Variants in DCDC1 observed in about 807,000 individuals in gnomAD.
DCDC1 encodes the protein doublecortin domain containing 1.
In DCDC1, 200 loss-of-function variants were observed where a neutral mutation model predicts 178.3. The observed-to-expected ratio is 1.12, with a 90% confidence interval of 1.00 to 1.26. DCDC1 has a LOEUF of 1.26. DCDC1 is among the 50% of genes most tolerant of loss of function. The probability of loss-of-function intolerance (pLI) is 0.00; values close to 1 mark genes in which losing one functional copy is unlikely to be tolerated. For synonymous variants in DCDC1, 690 were observed against 604.8 expected (o/e 1.14, Z -2.07); for missense variants, 1,983 against 1,749.2 (o/e 1.13, Z -2.38).
intron 8 of DCDC1, chr11:31,263,175 T>A: frequency 8.6e-7 from 1 of 1,156,182 alleles, no homozygotes; most frequent in Non-Finnish European, 1.2e-6. Context: ...ATAGTTTCAA[T>A]TCTAGCAGTT....
chr11:30,895,022 C>G (rs1043843936), intron 34 of DCDC1, among the ~76,000 whole-genome samples: 1 of 152,022 alleles, frequency 6.6e-6, no homozygotes, highest in Admixed American at 6.6e-5. Flanking sequence ...GTGTTCTTAC[C>G]ACTAGACCAC....
intron 20 of DCDC1, among the ~76,000 whole-genome samples, chr11:31,055,689 A>T (rs1018777184): frequency 6.6e-6 from 1 of 152,232 alleles, no homozygotes; most frequent in African/African-American, 2.4e-5. Flanking sequence ...GGAATGAATT[A>T]ACAGCATTTG....
intron 20 of DCDC1, among the ~76,000 whole-genome samples, chr11:31,006,061 A>G (rs1327796503): frequency 6.6e-6 from 1 of 151,560 alleles, no homozygotes; most frequent in African/African-American, 2.4e-5. Flanking sequence ...TCAACCCTAC[A>G]TCTACAATCA....
chr11:31,173,782 T>C (rs1247022969), intron 9 of DCDC1, among the ~76,000 whole-genome samples: 1 of 151,292 alleles, frequency 6.6e-6, no homozygotes, highest in African/African-American at 2.4e-5. Context: ...CCCCACATCT[T>C]TTTAGACATC....
chr11:31,151,362 T>C (rs1052422071), intron 9 of DCDC1, among the ~76,000 whole-genome samples: 4 of 152,240 alleles, frequency 2.6e-5, no homozygotes, highest in Non-Finnish European at 4.4e-5. Flanking sequence ...AATTCTATTA[T>C]GATCTTTTAT....
Position 30,916,966 on chromosome 11 carries a change from C to G in DCDC1, c.3356G>C (p.Trp1119Ser), listed in dbSNP as rs776942428. The G allele has an allele frequency of 3.7e-6, 6 of 1,611,064 alleles. No homozygotes were observed. The highest frequency in any genetic ancestry group is 5.1e-6 in the Non-Finnish European group (6 of 1,178,688). ...ATCAAAGTCATGTGAAGTTTCCTGC[C>G]AGGCATACCTGGGAAGTGTGTGACA... ...KACHTLPRYA[W>S]QETSHDFDED... The change falls in exon 26 of 39, where the codon TGG becomes TCG. Residue 1119 changes from tryptophan to serine, a missense_variant. Trp to Ser is a radical substitution (Grantham distance 177). Transcript: ENST00000684477.
intron 20 of DCDC1, among the ~76,000 whole-genome samples, chr11:31,037,560 T>C (rs1034329884): frequency 1.3e-5 from 2 of 151,772 alleles, no homozygotes; most frequent in Non-Finnish European, 2.9e-5. Context: ...GCCTCCCCAG[T>C]AGCTGGGACT....
At chr11:30,981,851 G>A (rs1196186368) in intron 20 of DCDC1, among the ~76,000 whole-genome samples, 1 of 151,972 alleles carries the variant, frequency 6.6e-6, no homozygotes, top group Non-Finnish European at 1.5e-5. Flanking sequence ...GATACCACAC[G>A]CTGGGAACAC....
intron 20 of DCDC1, among the ~76,000 whole-genome samples, chr11:31,019,748 GC>G (rs1192200235): frequency 3.9e-5 from 6 of 152,074 alleles, no homozygotes; most frequent in Admixed American, 1.3e-4. Context: ...TCCATGCTCA[GC>G]AGTATTGCTC....
At chr11:30,930,283 C>A (rs1946845787) in intron 22 of DCDC1, among the ~76,000 whole-genome samples, 1 of 152,086 alleles carries the variant, frequency 6.6e-6, no homozygotes, top group South Asian at 2.1e-4. Context: ...AGCTGGACAA[C>A]CAGCCACCCT....
At chr11:30,944,175 T>G (rs1383370668) in intron 21 of DCDC1, 1 of 363,192 alleles carries the variant, frequency 2.8e-6, no homozygotes, top group Non-Finnish European at 5.4e-6. Flanking sequence ...CACCAAACTT[T>G]TTCTGTGAGT....
chr11:31,336,292 C>T (rs1479826835), intron 1 of DCDC1, among the ~76,000 whole-genome samples: 1 of 152,170 alleles, frequency 6.6e-6, no homozygotes, highest in African/African-American at 2.4e-5. Context: ...CATGCAGATA[C>T]CCAGGGAGAC....
chr11:30,876,888 G>A (rs186500299), intron 38 of DCDC1, among the ~76,000 whole-genome samples: 9 of 151,976 alleles, frequency 5.9e-5, no homozygotes, highest in Admixed American at 4.6e-4. Flanking sequence ...CCTTTCCAAC[G>A]GGGAGCAAGT....
intron 9 of DCDC1, among the ~76,000 whole-genome samples, chr11:31,218,195 AAAG>A (rs1460505476): frequency 6.6e-6 from 1 of 152,146 alleles, no homozygotes; most frequent in Admixed American, 6.5e-5. Context: ...GAACATTGAA[AAAG>A]AAGAGAAAAT....
At position 30,864,599 on chromosome 11, in the gene DCDC1, A is replaced by C. The variant is rs1443174739; in HGVS notation, c.*774T>G. 3 of 152,244 alleles carry C rather than the reference A, an allele frequency of 2.0e-5. No individual in the cohort carries two copies. Among genetic ancestry groups the C allele is most frequent in the African/African-American group, 7.2e-5 (3 of 41,460 alleles). The allele number at this position is 152,244 out of a possible 1,614,324, so 9.4% of individuals were successfully genotyped here. ...TAGAAGAACTGAACCTCATGTCCCC[A>C]TCATGTTGCTGTGGGGTGGGACTGA... On this transcript the variant is annotated 3_prime_UTR_variant, in exon 39 of 39. Coordinates refer to ENST00000684477, the MANE Select transcript of DCDC1 (RefSeq NM_001387274.1).
chr11:31,055,340 T>G (rs1955515193), intron 20 of DCDC1, among the ~76,000 whole-genome samples: 1 of 152,288 alleles, frequency 6.6e-6, no homozygotes, highest in African/African-American at 2.4e-5. Flanking sequence ...AACAGATGTT[T>G]GCATGGATGC....
intron 20 of DCDC1, among the ~76,000 whole-genome samples, chr11:30,986,278 C>T (rs913786238): frequency 2.6e-5 from 4 of 151,092 alleles, no homozygotes; most frequent in African/African-American, 9.7e-5. Context: ...TTGTTCAGTA[C>T]CTTTCAAGTA....
chr11:31,249,198 T>C (rs1419854848), intron 8 of DCDC1, among the ~76,000 whole-genome samples: 1 of 152,142 alleles, frequency 6.6e-6, no homozygotes, highest in Non-Finnish European at 1.5e-5. Context: ...TCTTCATGAA[T>C]ATAAAAGAGG....
At chr11:31,181,155 G>A (rs1968746120) in intron 9 of DCDC1, among the ~76,000 whole-genome samples, 3 of 152,194 alleles carry the variant, frequency 2.0e-5, no homozygotes, top group African/African-American at 4.8e-5. Context: ...TGGCCAGATT[G>A]CCTCCCTAGA....
Sources: gnomAD v4.1 joint callset for allele counts (sites outside exome capture counted in the v4.1 genomes callset) on GRCh38, gnomAD v4.1.1 for gene constraint, MANE v1.5 for transcripts, NCBI Gene and HGNC (gene_info 2026-07-23, HGNC 2026-07-21) for gene names.